Variants in CHIT1 observed in about 807,000 individuals in gnomAD.
CHIT1 encodes the protein chitinase 1.
A neutral mutation model predicts 52.0 loss-of-function variants in CHIT1; 47 were observed. The ratio of observed to expected loss-of-function variants is 0.90; its 90% CI spans 0.71 to 1.15. The LOEUF is 1.15. CHIT1 is among the 50% of genes most tolerant of loss of function. The probability of loss-of-function intolerance (pLI) is 0.00; values close to 1 mark genes in which losing one functional copy is unlikely to be tolerated. For synonymous variants in CHIT1, 242 were observed against 228.2 expected (o/e 1.06, Z -0.54); for missense variants, 569 against 583.0 (o/e 0.98, Z 0.25).
chr1:203,217,518 TG>T, intron 10 of CHIT1: 1 of 1,105,272 alleles, frequency 9.0e-7, no homozygotes, highest in Non-Finnish European at 1.3e-6. Flanking sequence ...ACAACAACCC[TG>T]GGCAGGCATT....
At chr1:203,217,501 C>T in intron 10 of CHIT1, 2 of 1,139,196 alleles carry the variant, frequency 1.8e-6, no homozygotes, top group South Asian at 1.3e-5. Context: ...GGAGGGAAGC[C>T]ACGGTTACAA....
chr1:203,217,952 C>T (rs1656598153), intron 9 of CHIT1, 87 bp from the exon 10 acceptor site: 1 of 1,545,308 alleles, frequency 6.5e-7, no homozygotes, highest in Non-Finnish European at 8.7e-7. Context: ...GGACAGGGCC[C>T]TTTTTGCTCC....
intron 4 of CHIT1, 142 bp from the exon 5 acceptor site, chr1:203,223,802 G>T (rs1656829907): frequency 4.6e-6 from 4 of 860,346 alleles, no homozygotes; most frequent in Non-Finnish European, 7.8e-6. Context: ...TGCTTCAGAG[G>T]CTGCAGGGAT....
chr1:203,217,387 A>G, intron 10 of CHIT1: 1 of 1,495,990 alleles, frequency 6.7e-7, no homozygotes, highest in Non-Finnish European at 8.9e-7. Flanking sequence ...AAGCACAACC[A>G]TATACTGCTG....
intron 9 of CHIT1, among the ~76,000 whole-genome samples, chr1:203,218,967 A>G (rs1000251910): frequency 2.0e-5 from 3 of 152,234 alleles, no homozygotes; most frequent in African/African-American, 7.2e-5. Flanking sequence ...TGTCTGTAGA[A>G]TTTGTATGGT....
chr1:203,224,794 C>CCCTCTG (rs1656864277), intron 4 of CHIT1, among the ~76,000 whole-genome samples: 1 of 152,160 alleles, frequency 6.6e-6, no homozygotes, highest in Admixed American at 6.5e-5. Flanking sequence ...GAGGTCTGAG[C>CCCTCTG]CCTCTGCTGT....
intron 7 of CHIT1, among the ~76,000 whole-genome samples, chr1:203,220,301 T>C (rs1656688600): frequency 6.6e-6 from 1 of 152,194 alleles, no homozygotes; most frequent in African/African-American, 2.4e-5. Flanking sequence ...ATAATGCATG[T>C]AAAAGGTCAG....
chr1:203,219,412 G>T, intron 8 of CHIT1, 83 bp from the exon 9 acceptor site: 1 of 956,122 alleles, frequency 1.0e-6, no homozygotes, highest in Non-Finnish European at 1.7e-6. Context: ...GGAGACTAGA[G>T]ATTGGAAAAT....
In CHIT1 at chr1:203,222,948, C is replaced by T. The variant is rs538261076; in HGVS notation, c.605+187G>A. Reference sequence around the variant, plus strand: ...GCAGTGGACACTGAGCAAAGCCTTTCTGGATGTGTCTTAGTTTTACCCTGA... The same window carrying T: ...GCAGTGGACACTGAGCAAAGCCTTTTTGGATGTGTCTTAGTTTTACCCTGA... On this transcript the variant is annotated intron_variant, in intron 6 of 10. Coordinates refer to ENST00000367229, the MANE Select transcript of CHIT1 (RefSeq NM_003465.3). Among the ~76,000 whole-genome samples the T allele has an allele frequency of 9.8e-5, 15 of 152,316 alleles. No homozygotes were observed. The East Asian group carries it at 2.3e-3, about 24-fold the overall frequency.
At chr1:203,225,166 G>A (rs1020546257) in intron 3 of CHIT1, 62 bp from the exon 4 acceptor site, 49 of 1,519,328 alleles carry the variant, frequency 3.2e-5, no homozygotes, top group Non-Finnish European at 4.3e-5. Context: ...CCCTGGCAGG[G>A]ATGTTACAGT....
At chr1:203,227,373 T>A (rs1469971870) in intron 2 of CHIT1, among the ~76,000 whole-genome samples, 1 of 152,220 alleles carries the variant, frequency 6.6e-6, no homozygotes, top group African/African-American at 2.4e-5. Flanking sequence ...CCAGGCCATG[T>A]AGGAAGGAGC....
intron 7 of CHIT1, among the ~76,000 whole-genome samples, chr1:203,220,478 C>A (rs1017379424): frequency 6.6e-6 from 1 of 152,148 alleles, no homozygotes; most frequent in Non-Finnish European, 1.5e-5. Context: ...TCCTTACCCA[C>A]CTTTGAATAA....
chr1:203,218,945 C>A (rs1656634659), intron 9 of CHIT1, among the ~76,000 whole-genome samples: 1 of 152,208 alleles, frequency 6.6e-6, no homozygotes, highest in Admixed American at 6.5e-5. Flanking sequence ...ATGTGTATTT[C>A]TCCTCTTCAT....
rs1656561428 is a variant in CHIT1, at chr1:203,217,099, A to C, written c.1191T>G (p.Leu397=). 6 of 1,610,504 alleles carry C rather than the reference A, an allele frequency of 3.7e-6. No homozygotes were observed. Among genetic ancestry groups the C allele is most frequent in the African/African-American group, 1.3e-5 (1 of 74,930 alleles). The stretch of plus-strand genomic sequence containing the variant: ...AGGGCTGACCTGGTTTTGGAACTTC[A>C]AGCTCTGGGGTGCCTGAAGGCAAGT... ...LPYLPSGTPE[L]EVPKPGQPSE... The change falls in exon 11 of 11, where the codon CTT becomes CTG. Residue 397 remains leucine (L), a synonymous_variant. Coordinates refer to ENST00000367229, the MANE Select transcript of CHIT1 (RefSeq NM_003465.3).
At chr1:203,229,766 G>T, upstream of CHIT1, 9 of 1,014,042 alleles carry the variant, frequency 8.9e-6, no homozygotes, top group South Asian at 1.3e-5. Flanking sequence ...GGGGGGATGG[G>T]AGCAGGGTGG....
At position 203,219,857 on chromosome 1, in the gene CHIT1, A is replaced by T. The variant is rs2102233340; in HGVS notation, c.730-8T>A. 1 of 1,611,884 alleles carries T rather than the reference A, an allele frequency of 6.2e-7. No individual in the cohort carries two copies. The highest frequency in any genetic ancestry group is 8.5e-7 in the Non-Finnish European group (1 of 1,179,796). ...CTGTTGCACAGCAGCATCCTGGTGG[A>T]AGAGGGCAGGGTTAATTTTCTCAGC... On this transcript the variant is annotated splice_region_variant and splice_polypyrimidine_tract_variant and intron_variant, in intron 7 of 10. Coordinates refer to ENST00000367229, the MANE Select transcript of CHIT1 (RefSeq NM_003465.3).
chr1:203,219,391 C>G (rs577718954), intron 8 of CHIT1, 62 bp from the exon 9 acceptor site: 3 of 1,019,282 alleles, frequency 2.9e-6, no homozygotes, highest in African/African-American at 3.2e-5. Context: ...ACCTTCCCTT[C>G]CTCACCAGGA....
intron 2 of CHIT1, among the ~76,000 whole-genome samples, chr1:203,226,228 C>G (rs1656924483): frequency 6.6e-6 from 1 of 152,198 alleles, no homozygotes; most frequent in African/African-American, 2.4e-5. Context: ...CTCATGACTC[C>G]TTGACATCCT....
intron 5 of CHIT1, 40 bp downstream of exon 5, chr1:203,223,455 C>G (rs966239766): frequency 1.9e-6 from 3 of 1,612,436 alleles, no homozygotes; most frequent in Admixed American, 1.7e-5. Context: ...AGCTCTGGGT[C>G]CCTGCACAGA....
Sources: gnomAD v4.1 joint callset for allele counts (sites outside exome capture counted in the v4.1 genomes callset) on GRCh38, gnomAD v4.1.1 for gene constraint, MANE v1.5 for transcripts, NCBI Gene and HGNC (gene_info 2026-07-23, HGNC 2026-07-21) for gene names.